Variants in CTDSPL observed in about 807,000 individuals in gnomAD.
CTDSPL encodes the protein CTD small phosphatase-like protein.
In CTDSPL, 8 loss-of-function variants were observed where a neutral mutation model predicts 30.5. The ratio of observed to expected loss-of-function variants is 0.26; its 90% CI spans 0.15 to 0.47. The LOEUF (loss-of-function observed/expected upper bound fraction) is 0.47. Among genes scored for constraint, CTDSPL ranks in the 20% least tolerant of loss-of-function variants. CTDSPL has a pLI of 0.99. For missense variants in CTDSPL, 248 were observed against 366.1 expected, an observed-to-expected ratio of 0.68 and a Z score of 2.63; for synonymous variants, 110 against 137.9, an observed-to-expected ratio of 0.80 and a Z score of 1.42.
At chr3:37,889,270 G>A (rs1157519218) in intron 1 of CTDSPL, among the ~76,000 whole-genome samples, 1 of 152,128 alleles carries the variant, frequency 6.6e-6, no homozygotes, top group Non-Finnish European at 1.5e-5. Flanking sequence ...CTGACCTCAA[G>A]CCCTTATATA....
intron 1 of CTDSPL, among the ~76,000 whole-genome samples, chr3:37,885,149 A>T (rs1698249403): frequency 6.6e-6 from 1 of 152,156 alleles, no homozygotes; most frequent in Non-Finnish European, 1.5e-5. Flanking sequence ...TCCTTGGGAG[A>T]AGAGTGAATT....
At chr3:37,908,326 G>A (rs1417496500) in intron 1 of CTDSPL, among the ~76,000 whole-genome samples, 1 of 152,246 alleles carries the variant, frequency 6.6e-6, no homozygotes, top group African/African-American at 2.4e-5. Context: ...GCAAATGCAT[G>A]TTAAGCCTGT....
At chr3:37,884,871 G>T (rs1698246761) in intron 1 of CTDSPL, among the ~76,000 whole-genome samples, 1 of 152,034 alleles carries the variant, frequency 6.6e-6, no homozygotes, top group South Asian at 2.1e-4. Context: ...GGAGGTGGGG[G>T]TGGGAATCAG....
At position 37,984,411 on chromosome 3, in the gene CTDSPL, G is replaced by A. The variant is rs1699531156; in HGVS notation, c.*3544G>A. The A allele has an allele frequency of 2.4e-6, 1 of 424,782 alleles. No individual in the cohort carries two copies. The highest frequency in any genetic ancestry group is 4.9e-6 in the Non-Finnish European group (1 of 205,700). The allele number at this position is 424,782 out of a possible 1,614,324, so 26.3% of individuals were successfully genotyped here. ...GTGCACGTTTCCAGGGGCGAGTATT[G>A]TCAATCAAAAGGTTTGCAATGATTT... On this transcript the variant is annotated 3_prime_UTR_variant, in exon 8 of 8. Transcript: ENST00000273179.
At position 37,895,876 on chromosome 3, in the gene CTDSPL, C is replaced by A. The variant is rs554263391; in HGVS notation, c.79+33598C>A. Among the ~76,000 whole-genome samples, 75 of 151,634 alleles carry A rather than the reference C, an allele frequency of 4.9e-4. 1 individual carries two copies. In the East Asian group the frequency reaches 0.013, roughly 27 times the overall value. ...ACTTCACTGAATGTAAATTTCACCTCAAAAAAAACTAATAGTGAACTGTAG... is the reference window on the plus strand; with the variant it reads ...ACTTCACTGAATGTAAATTTCACCTAAAAAAAAACTAATAGTGAACTGTAG... On this transcript the variant is annotated intron_variant, in intron 1 of 7. Coordinates refer to ENST00000273179, the MANE Select transcript of CTDSPL (RefSeq NM_001008392.2).
intron 3 of CTDSPL, among the ~76,000 whole-genome samples, chr3:37,958,446 T>C (rs1699199662): frequency 6.6e-6 from 1 of 152,194 alleles, no homozygotes; most frequent in Non-Finnish European, 1.5e-5. Flanking sequence ...TTGACATATT[T>C]TTTTCCTGCA....
chr3:37,950,267 C>T (rs1575313961), intron 2 of CTDSPL, among the ~76,000 whole-genome samples: 1 of 152,244 alleles, frequency 6.6e-6, no homozygotes, highest in East Asian at 1.9e-4. Context: ...GACTGACCTG[C>T]ACAGACACTA....
chr3:37,975,733 C>T lies in CTDSPL; in HGVS notation c.544C>T (p.Leu182=). ...GTATGCAGACCCTGTGGCTGACCTC[C>T]TAGACCGCTGGGGTGTGTTCCGGGC... ...AKYADPVADL[L]DRWGVFRARL... is the part of the protein sequence containing the mutation. Residue 182 remains leucine, a synonymous_variant, in exon 7 of 8, where the codon CTA becomes TTA. Coordinates refer to ENST00000273179, the MANE Select transcript of CTDSPL (RefSeq NM_001008392.2). The surrounding 1 kb of genome is among the most constrained non-coding windows in gnomAD (Gnocchi z 4.9). The T allele has an allele frequency of 6.2e-7, 1 of 1,613,968 alleles. No homozygotes were observed. Among genetic ancestry groups the T allele is most frequent in the East Asian group, 2.2e-5 (1 of 44,882 alleles).
At chr3:37,901,434 A>G (rs993766459) in intron 1 of CTDSPL, among the ~76,000 whole-genome samples, 4 of 152,146 alleles carry the variant, frequency 2.6e-5, no homozygotes, top group Admixed American at 1.3e-4. Flanking sequence ...CAAAAAACCT[A>G]GCCCTTCCTC....
At chr3:37,874,907 T>TA (rs1267375889) in intron 1 of CTDSPL, among the ~76,000 whole-genome samples, 1 of 152,078 alleles carries the variant, frequency 6.6e-6, no homozygotes, top group Non-Finnish European at 1.5e-5. Context: ...TCTTAGAACT[T>TA]ACTTTGCAGA....
intron 1 of CTDSPL, among the ~76,000 whole-genome samples, chr3:37,924,614 TC>T (rs1436929691): frequency 6.6e-6 from 1 of 152,196 alleles, no homozygotes; most frequent in Non-Finnish European, 1.5e-5. Context: ...TAAGATAAGT[TC>T]CAGTCTGGTT....
At chr3:37,968,370 G>A (rs1467510203) in intron 5 of CTDSPL, 3 of 366,210 alleles carry the variant, frequency 8.2e-6, no homozygotes, top group Admixed American at 3.4e-5. Context: ...AAAGAAAAAG[G>A]GGGAAGGGTG....
At chr3:37,939,555 C>T (rs1479614008) in intron 1 of CTDSPL, among the ~76,000 whole-genome samples, 1 of 150,302 alleles carries the variant, frequency 6.7e-6, no homozygotes, top group Non-Finnish European at 1.5e-5. Context: ...AGAGCTAAGA[C>T]AGTGACATTC....
At chr3:37,900,988 G>T (rs1017297714) in intron 1 of CTDSPL, among the ~76,000 whole-genome samples, 5 of 152,030 alleles carry the variant, frequency 3.3e-5, no homozygotes, top group Non-Finnish European at 7.4e-5. Flanking sequence ...GTAGAGACGG[G>T]GTTTCACCAT....
intron 1 of CTDSPL, among the ~76,000 whole-genome samples, chr3:37,869,169 A>G (rs550844623): frequency 2.6e-5 from 4 of 152,252 alleles, no homozygotes; most frequent in Admixed American, 1.3e-4. Context: ...TTGATACATC[A>G]TAGTTTTACA....
At chr3:37,927,745 G>A (rs1698802170) in intron 1 of CTDSPL, among the ~76,000 whole-genome samples, 1 of 147,570 alleles carries the variant, frequency 6.8e-6, no homozygotes, top group African/African-American at 2.5e-5. Flanking sequence ...TAAGTGAACA[G>A]TACAGTCTTA....
intron 1 of CTDSPL, among the ~76,000 whole-genome samples, chr3:37,885,542 G>T (rs1002342606): frequency 6.6e-6 from 1 of 152,136 alleles, no homozygotes; most frequent in Non-Finnish European, 1.5e-5. Context: ...GCTACTGTGG[G>T]GTAGCAGGAA....
intron 1 of CTDSPL, among the ~76,000 whole-genome samples, chr3:37,944,982 ATTAG>A (rs61590335): frequency 0.025 from 3,730 of 150,160 alleles, 195 homozygotes; most frequent in African/African-American, 0.084. Context: ...TCATTTGTTA[ATTAG>A]TTAGTTAGTT....
At chr3:37,880,354 C>T (rs1299962447) in intron 1 of CTDSPL, among the ~76,000 whole-genome samples, 1 of 148,946 alleles carries the variant, frequency 6.7e-6, no homozygotes, top group African/African-American at 2.5e-5. Context: ...CTATTACAAG[C>T]CCTTTCATAG....
Sources: gnomAD v4.1 joint callset for allele counts (sites outside exome capture counted in the v4.1 genomes callset) on GRCh38, gnomAD v4.1.1 for gene constraint, Gnocchi (gnomAD v3.1) non-coding constraint, MANE v1.5 for transcripts, NCBI Gene and HGNC (gene_info 2026-07-23, HGNC 2026-07-21) for gene names.